The following ADAMTS17 variants were observed in gnomAD, a reference collection of about 807,000 sequenced individuals.
The protein encoded by ADAMTS17 is A disintegrin and metalloproteinase with thrombospondin motifs 17.
In ADAMTS17, 113 loss-of-function variants were observed where a neutral mutation model predicts 141.5. The ratio of observed to expected loss-of-function variants is 0.80; its 90% CI spans 0.69 to 0.93. The LOEUF is 0.93. Among genes scored for constraint, ADAMTS17 ranks in the 40% least tolerant of loss-of-function variants. The pLI, the probability that ADAMTS17 is intolerant of heterozygous loss-of-function variation, is 0.00. For synonymous variants in ADAMTS17, 768 were observed against 630.6 expected (o/e 1.22, Z -3.27); for missense variants, 1,659 against 1,517.9 (o/e 1.09, Z -1.54).
chr15:100,141,649 G>C (rs997509085), intron 10 of ADAMTS17, among the ~76,000 whole-genome samples: 2 of 152,160 alleles, frequency 1.3e-5, no homozygotes, highest in Non-Finnish European at 2.9e-5. Flanking sequence ...TACAGAGACC[G>C]TCACCTGGCT....
intron 14 of ADAMTS17, among the ~76,000 whole-genome samples, chr15:100,106,021 T>A (rs1286028400): frequency 1.3e-5 from 2 of 151,416 alleles, no homozygotes; most frequent in Non-Finnish European, 2.9e-5. Flanking sequence ...TTTCAAGACA[T>A]GGTCTCACTC....
intron 7 of ADAMTS17, among the ~76,000 whole-genome samples, chr15:100,219,191 T>G (rs2042058573): frequency 6.6e-6 from 1 of 151,956 alleles, no homozygotes; most frequent in Admixed American, 6.6e-5. Flanking sequence ...GGGACAAGAG[T>G]GTTGACAGGA....
intron 15 of ADAMTS17, among the ~76,000 whole-genome samples, chr15:100,093,777 G>GC (rs2035605416): frequency 6.6e-6 from 1 of 152,106 alleles, no homozygotes; most frequent in Non-Finnish European, 1.5e-5. Context: ...CTGTCTGTTT[G>GC]CCCGGGGGTC....
At chr15:100,274,973 A>G (rs1016793360) in intron 4 of ADAMTS17, among the ~76,000 whole-genome samples, 14 of 152,222 alleles carry the variant, frequency 9.2e-5, no homozygotes, top group Admixed American at 7.2e-4. Flanking sequence ...CAGTGGCATT[A>G]AAAACCTCAG....
At chr15:100,289,639 C>A (rs1284023172) in intron 3 of ADAMTS17, among the ~76,000 whole-genome samples, 1 of 152,070 alleles carries the variant, frequency 6.6e-6, no homozygotes, top group East Asian at 1.9e-4. Context: ...CAAACTGAAT[C>A]CAGCAACACA....
Position 100,188,251 on chromosome 15 carries a change from T to A in ADAMTS17, c.1181+11067A>T, listed in dbSNP as rs920360858. ...ACCACCATGCCCAGCTAATTTTGTA[T>A]TTTTTAGTAGAGACGGGGTTTCTCC... On this transcript the variant is annotated intron_variant, in intron 8 of 21. Coordinates refer to ENST00000268070, the MANE Select transcript of ADAMTS17 (RefSeq NM_139057.4). 7.9e-5 allele frequency among the ~76,000 whole-genome samples: 12 copies of A among 152,110 alleles called. No individual in the cohort carries two copies. The South Asian group carries it at 2.5e-3, about 32-fold the overall frequency.
chr15:100,323,967 T>C (rs76732549), intron 3 of ADAMTS17, among the ~76,000 whole-genome samples: 1,697 of 149,812 alleles, frequency 0.011, 23 homozygotes, highest in Non-Finnish European at 0.013. Flanking sequence ...GCCAGAGCCA[T>C]GATAGTGGGT....
Position 100,138,189 on chromosome 15 carries a change from G to T in ADAMTS17, c.1474-4874C>A, listed in dbSNP as rs186996042. On this transcript the variant is annotated intron_variant, in intron 10 of 21. Coordinates refer to ENST00000268070, the MANE Select transcript of ADAMTS17 (RefSeq NM_139057.4). ...AGAAGCAGCCCCTTTTCAGAAAAAG[G>T]GGTTCTGGTTGAAACAAATTTAAGT... Among the ~76,000 whole-genome samples, 13 of 152,224 alleles carry T rather than the reference G, an allele frequency of 8.5e-5. No individual in the cohort carries two copies. The East Asian group carries it at 2.5e-3, about 29-fold the overall frequency.
rs191479619 is a variant in ADAMTS17, at chr15:100,178,358, C to T, written c.1181+20960G>A. Among the ~76,000 whole-genome samples, 808 of 152,254 alleles carry T rather than the reference C, an allele frequency of 5.3e-3. 16 individuals are homozygous for T. Among genetic ancestry groups the T allele is most frequent in the African/African-American group, 0.018 (754 of 41,558 alleles). On this transcript the variant is annotated intron_variant, in intron 8 of 21. Transcript: ENST00000268070. The stretch of plus-strand genomic sequence containing the variant: ...GTTCTTCTAGGTATTGCCATATACA[C>T]ACATCACAGCCAACTGGTGTTGACA...
intron 2 of ADAMTS17, among the ~76,000 whole-genome samples, chr15:100,334,891 G>A (rs979805035): frequency 1.5e-4 from 23 of 152,162 alleles, no homozygotes; most frequent in African/African-American, 4.3e-4. Context: ...AGTCCCTCTC[G>A]TGTGGTCTTC....
rs1042399510 is a variant in ADAMTS17 at position 100,001,321 on chromosome 15, C to T, written c.2592-3732G>A. Among the ~76,000 whole-genome samples, 7 of 151,252 alleles carry T rather than the reference C, an allele frequency of 4.6e-5. No homozygotes were observed. The East Asian group carries it at 1.4e-3, about 29-fold the overall frequency. Reference sequence around the variant, plus strand: ...GGTAGCTGTGTCATTTCTTTCTTTGCTCACAATCACAAAATAAACTGGTCT... The same window carrying T: ...GGTAGCTGTGTCATTTCTTTCTTTGTTCACAATCACAAAATAAACTGGTCT... On this transcript the variant is annotated intron_variant, in intron 18 of 21. Coordinates refer to ENST00000268070, the MANE Select transcript of ADAMTS17 (RefSeq NM_139057.4).
intron 14 of ADAMTS17, among the ~76,000 whole-genome samples, chr15:100,100,994 C>T (rs2036064709): frequency 6.6e-6 from 1 of 152,132 alleles, no homozygotes. Flanking sequence ...AACTTGTTTC[C>T]TGGGATCTAC....
At chr15:100,015,053 T>C (rs1437029697) in intron 18 of ADAMTS17, among the ~76,000 whole-genome samples, 1 of 152,230 alleles carries the variant, frequency 6.6e-6, no homozygotes, top group Non-Finnish European at 1.5e-5. Context: ...CAGTGTTAGG[T>C]GCATATATGT....
chr15:100,247,555 C>G (rs1373817765), intron 7 of ADAMTS17, among the ~76,000 whole-genome samples: 1 of 152,184 alleles, frequency 6.6e-6, no homozygotes, highest in Non-Finnish European at 1.5e-5. Context: ...TGAAGAGTCA[C>G]AGGGTGACCA....
intron 4 of ADAMTS17, among the ~76,000 whole-genome samples, chr15:100,278,655 CAG>C (rs1403536512): frequency 2.0e-5 from 3 of 152,158 alleles, no homozygotes; most frequent in African/African-American, 7.2e-5. Flanking sequence ...GAGTTTCCTG[CAG>C]AGAGAGGCAT....
intron 4 of ADAMTS17, among the ~76,000 whole-genome samples, chr15:100,280,237 A>C (rs1431525574): frequency 1.3e-5 from 2 of 151,978 alleles, no homozygotes; most frequent in Non-Finnish European, 2.9e-5. Flanking sequence ...CAATGGCTCC[A>C]CCACCCACCC....
intron 3 of ADAMTS17, among the ~76,000 whole-genome samples, chr15:100,300,366 T>C (rs779281737): frequency 1.3e-5 from 2 of 152,192 alleles, no homozygotes; most frequent in African/African-American, 2.4e-5. Context: ...AAAGAATCCC[T>C]TCCCAAATGC....
intron 3 of ADAMTS17, among the ~76,000 whole-genome samples, chr15:100,284,390 C>T (rs2044380391): frequency 1.3e-5 from 2 of 152,204 alleles, no homozygotes; most frequent in Admixed American, 6.5e-5. Context: ...TAAATGCTCA[C>T]CCAAGGAATG....
chr15:100,034,599 C>T (rs371957390), intron 18 of ADAMTS17, among the ~76,000 whole-genome samples: 4 of 152,362 alleles, frequency 2.6e-5, no homozygotes, highest in African/African-American at 9.6e-5. Context: ...TCTATCAGAA[C>T]TGGTGTTTGT....
Sources: gnomAD v4.1 joint callset for allele counts (sites outside exome capture counted in the v4.1 genomes callset) on GRCh38, gnomAD v4.1.1 for gene constraint, MANE v1.5 for transcripts, NCBI Gene and HGNC (gene_info 2026-07-23, HGNC 2026-07-21) for gene names.